Variants in CHST11 observed in about 807,000 individuals in gnomAD.
The protein encoded by CHST11 is carbohydrate sulfotransferase 11.
In CHST11, 9 loss-of-function variants were observed where a neutral mutation model predicts 30.4. The observed-to-expected ratio is 0.30, with a 90% CI of 0.18 to 0.52. CHST11 has a LOEUF of 0.52. Among genes scored for constraint, CHST11 ranks in the 20% least tolerant of loss-of-function variants. The pLI is 0.97. For missense variants in CHST11, 348 were observed against 460.6 expected, an observed-to-expected ratio of 0.76 and a Z score of 2.24; for synonymous variants, 152 against 187.8, an observed-to-expected ratio of 0.81 and a Z score of 1.56.
At chr12:104,702,039 T>C (rs150106736) in intron 2 of CHST11, among the ~76,000 whole-genome samples, 1 of 152,202 alleles carries the variant, frequency 6.6e-6, no homozygotes, top group Non-Finnish European at 1.5e-5. Flanking sequence ...CAAGATCACC[T>C]TGGGTTCTAG....
intron 2 of CHST11, among the ~76,000 whole-genome samples, chr12:104,663,266 T>A (rs2039612967): frequency 6.6e-6 from 1 of 152,262 alleles, no homozygotes. Context: ...TAAGGTTGAT[T>A]TCAGTGGGTT....
intron 2 of CHST11, among the ~76,000 whole-genome samples, chr12:104,604,950 AG>A (rs2038989474): frequency 6.6e-6 from 1 of 152,182 alleles, no homozygotes; most frequent in Non-Finnish European, 1.5e-5. Flanking sequence ...GCCCCAAGCT[AG>A]GTTTTATATC....
intron 2 of CHST11, among the ~76,000 whole-genome samples, chr12:104,674,000 C>T (rs73388175): frequency 1.9e-3 from 284 of 152,326 alleles, no homozygotes; most frequent in African/African-American, 6.4e-3. Flanking sequence ...TCAGCTCTCC[C>T]GGCCTCTGTT....
At chr12:104,515,112 T>G (rs541963117) in intron 1 of CHST11, among the ~76,000 whole-genome samples, 12 of 152,288 alleles carry the variant, frequency 7.9e-5, no homozygotes, top group Admixed American at 6.5e-5. Context: ...TTTTTACATC[T>G]TAAAATGGTT....
Position 104,457,785 on chromosome 12 carries a change from G to GTTT in CHST11, c.118+273_118+275dup, listed in dbSNP as rs35612022. Among the ~76,000 whole-genome samples, 501 of 137,598 alleles carry GTTT rather than the reference G, an allele frequency of 3.6e-3. 6 individuals carry two copies. Among genetic ancestry groups the GTTT allele is most frequent in the Admixed American group, 0.021 (285 of 13,876 alleles). 90.3% of individuals were successfully genotyped at this position (137,598 alleles called of 152,430 possible). On this transcript the variant is annotated intron_variant, in intron 1 of 2. Transcript: ENST00000303694. The stretch of plus-strand genomic sequence containing the variant: ...GAGGATGGGACCAGGAGGGGCGGTA[G>GTTT]TTTTTTTTTTTTTTTTTTTCTTCTT...
intron 1 of CHST11, among the ~76,000 whole-genome samples, chr12:104,513,243 C>T (rs950339886): frequency 1.2e-4 from 18 of 151,484 alleles, no homozygotes; most frequent in Non-Finnish European, 2.1e-4. Context: ...CCATGTCTCA[C>T]ATACACAGAG....
intron 1 of CHST11, among the ~76,000 whole-genome samples, chr12:104,588,531 C>T (rs1462596633): frequency 3.3e-5 from 5 of 152,204 alleles, no homozygotes; most frequent in African/African-American, 4.8e-5. Flanking sequence ...AATGTCTTGC[C>T]GCCAAAGACC....
intron 2 of CHST11, among the ~76,000 whole-genome samples, chr12:104,727,736 T>C (rs1484854224): frequency 6.6e-6 from 1 of 152,258 alleles, no homozygotes; most frequent in Non-Finnish European, 1.5e-5. Flanking sequence ...CAGGTGTTTA[T>C]TAAGGCAGTG....
intron 2 of CHST11, among the ~76,000 whole-genome samples, chr12:104,723,051 A>G (rs1221520388): frequency 6.6e-6 from 1 of 151,950 alleles, no homozygotes; most frequent in Admixed American, 6.6e-5. Flanking sequence ...GGAGCCTGAC[A>G]TGCCTGGCTG....
chr12:104,669,903 A>G (rs1264144002), intron 2 of CHST11, among the ~76,000 whole-genome samples: 5 of 152,260 alleles, frequency 3.3e-5, no homozygotes, highest in African/African-American at 1.2e-4. Flanking sequence ...ATAATAGCCA[A>G]TCCCTCAAAA....
At chr12:104,514,226 AGC>A (rs1391562475) in intron 1 of CHST11, 2 of 881,970 alleles carry the variant, frequency 2.3e-6, no homozygotes, top group Non-Finnish European at 3.9e-6. Flanking sequence ...TTGACACAGC[AGC>A]CAAGTTTATT....
chr12:104,577,932 C>T (rs901231623), intron 1 of CHST11, among the ~76,000 whole-genome samples: 3 of 152,180 alleles, frequency 2.0e-5, no homozygotes, highest in Admixed American at 6.5e-5. Flanking sequence ...ACAGCACTCA[C>T]GACCCCTTTA....
intron 1 of CHST11, among the ~76,000 whole-genome samples, chr12:104,535,744 C>T (rs754320056): frequency 1.7e-4 from 26 of 152,076 alleles, no homozygotes; most frequent in Non-Finnish European, 2.9e-4. Context: ...GAGCTAACCT[C>T]GGAGTTATAA....
rs536689043 is a variant in CHST11, at chr12:104,542,698, G to C, written c.119-59208G>C. 3.8e-4 allele frequency among the ~76,000 whole-genome samples: 58 copies of C among 152,304 alleles called. No individual in the cohort carries two copies. The South Asian group carries it at 0.01, about 27-fold the overall frequency. ...AGACAGTTGTTGCCTGGGTAGAGTG[G>C]GGATAGTGGGGAAGACCTATTTTTC... is the stretch of plus-strand genomic sequence containing the variant. On this transcript the variant is annotated intron_variant, in intron 1 of 2. Coordinates refer to ENST00000303694, the MANE Select transcript of CHST11 (RefSeq NM_018413.6).
chr12:104,582,096 C>T (rs10507176), intron 1 of CHST11, among the ~76,000 whole-genome samples: 2 of 152,110 alleles, frequency 1.3e-5, no homozygotes, highest in Admixed American at 6.5e-5. Context: ...TCCTTATTTG[C>T]GAGAAATTGA....
intron 1 of CHST11, among the ~76,000 whole-genome samples, chr12:104,492,998 A>G: frequency 6.6e-6 from 1 of 151,786 alleles, no homozygotes. Context: ...ACACCAGTGC[A>G]CTCCAGCCTG....
intron 1 of CHST11, among the ~76,000 whole-genome samples, chr12:104,592,456 T>C (rs1404548612): frequency 1.3e-5 from 2 of 152,100 alleles, no homozygotes; most frequent in East Asian, 3.9e-4. Context: ...GGGTAAGTGG[T>C]CTTTTTTGGG....
At chr12:104,698,814 G>T (rs539212067) in intron 2 of CHST11, among the ~76,000 whole-genome samples, 1 of 152,286 alleles carries the variant, frequency 6.6e-6, no homozygotes, top group East Asian at 1.9e-4. Flanking sequence ...TATTAATCAG[G>T]AAGTCTTATC....
intron 1 of CHST11, among the ~76,000 whole-genome samples, chr12:104,462,167 C>CAAAAAAAAAAAAAAAAAAAAAAA (rs796356338): frequency 6.1e-5 from 4 of 65,598 alleles, no homozygotes; most frequent in African/African-American, 2.1e-4. Flanking sequence ...AACACCATCT[C>CAAAAAAAAAAAAAAAAAAAAAAA]AAAAAAAAAA....
Sources: allele counts gnomAD v4.1 joint callset (sites outside exome capture counted in the v4.1 genomes callset), GRCh38; gene constraint gnomAD v4.1.1; transcripts MANE v1.5; gene names NCBI Gene and HGNC (gene_info 2026-07-23, HGNC 2026-07-21).